NBEA: variants seen among roughly 807,000 people sequenced by gnomAD.
NBEA encodes lysosomal-trafficking regulator 2.
A neutral mutation model predicts 343.4 loss-of-function variants in NBEA; 44 were observed. The ratio of observed to expected loss-of-function variants is 0.13; its 90% CI spans 0.10 to 0.16. The LOEUF is 0.16. NBEA is among the 10% of genes least tolerant of loss of function. The pLI is 1.00. For synonymous variants in NBEA, 1,175 were observed against 1,238.7 expected, an observed-to-expected ratio of 0.95 and a Z score of 1.08; for missense variants, 2,555 against 3,631.3, an observed-to-expected ratio of 0.70 and a Z score of 7.62.
chr13:35,179,857 A>G (rs1287216950), intron 28 of NBEA: 2 of 874,300 alleles, frequency 2.3e-6, no homozygotes, highest in Non-Finnish European at 2.7e-6. Flanking sequence ...CTGCTTAGGC[A>G]TTTGATTTCT....
At chr13:35,386,572 T>C (rs187776249) in intron 38 of NBEA, among the ~76,000 whole-genome samples, 2 of 152,266 alleles carry the variant, frequency 1.3e-5, no homozygotes, top group East Asian at 3.9e-4. Flanking sequence ...TCTAATCCTG[T>C]AAGATAATGT....
At chr13:35,014,335 T>G (rs1309047219) in intron 1 of NBEA, among the ~76,000 whole-genome samples, 1 of 152,186 alleles carries the variant, frequency 6.6e-6, no homozygotes, top group Non-Finnish European at 1.5e-5. Flanking sequence ...ACATTTTTTT[T>G]GTTTGATTTT....
intron 46 of NBEA, 63 bp from the exon 47 acceptor site, chr13:35,593,265 A>T: frequency 1.3e-6 from 2 of 1,562,154 alleles, no homozygotes; most frequent in East Asian, 2.3e-5. Context: ...GCCATGTTTC[A>T]CAAAGGAACG....
intron 38 of NBEA, among the ~76,000 whole-genome samples, chr13:35,393,408 G>T (rs991979125): frequency 3.3e-5 from 5 of 152,054 alleles, no homozygotes; most frequent in African/African-American, 1.2e-4. Context: ...AATAGAAAAT[G>T]ATAACTTAGC....
Position 35,163,637 on chromosome 13 carries a change from T to C in NBEA, c.4080-719T>C, listed in dbSNP as rs186444325. 5.3e-5 allele frequency among the ~76,000 whole-genome samples: 8 copies of C among 151,862 alleles called. No homozygotes were observed. The East Asian group carries it at 1.4e-3, about 26-fold the overall frequency. The stretch of plus-strand genomic sequence containing the variant: ...TTTCTCAAAAAAAAAAAAAAAATTA[T>C]ATTCTTGACTGACACCAAACGAAAG... On this transcript the variant is annotated intron_variant, in intron 23 of 58. Transcript: ENST00000379939.
intron 32 of NBEA, among the ~76,000 whole-genome samples, chr13:35,210,340 A>G (rs1593760861): frequency 1.3e-5 from 2 of 152,088 alleles, no homozygotes; most frequent in African/African-American, 4.8e-5. Flanking sequence ...AAGACTGGGC[A>G]TACTGTTCAT....
chr13:35,001,096 C>T (rs559463589), intron 1 of NBEA, among the ~76,000 whole-genome samples: 1 of 152,066 alleles, frequency 6.6e-6, no homozygotes, highest in East Asian at 1.9e-4. Context: ...GTCAATGTGT[C>T]TGATTTGTGG....
At chr13:35,651,223 C>G (rs1208705766) in intron 52 of NBEA, among the ~76,000 whole-genome samples, 1 of 152,212 alleles carries the variant, frequency 6.6e-6, no homozygotes, top group African/African-American at 2.4e-5. Context: ...CATTAATCCT[C>G]TGAAAGTAGC....
chr13:35,129,523 C>T (rs2067301409), intron 17 of NBEA, among the ~76,000 whole-genome samples: 1 of 151,714 alleles, frequency 6.6e-6, no homozygotes, highest in South Asian at 2.1e-4. Context: ...ACAGATTAGA[C>T]AAAGCTTCAC....
At chr13:35,155,388 C>T (rs1450757249) in intron 18 of NBEA, among the ~76,000 whole-genome samples, 1 of 152,064 alleles carries the variant, frequency 6.6e-6, no homozygotes, top group Non-Finnish European at 1.5e-5. Context: ...CTTTGGGAGG[C>T]TGAGGCGGGT....
At chr13:35,223,590 T>C (rs1566482601) in intron 33 of NBEA, among the ~76,000 whole-genome samples, 1 of 152,190 alleles carries the variant, frequency 6.6e-6, no homozygotes, top group Admixed American at 6.6e-5. Flanking sequence ...CAGCAGTGTA[T>C]TATGTTACAT....
intron 1 of NBEA, among the ~76,000 whole-genome samples, chr13:35,020,489 T>G (rs1246297235): frequency 6.6e-6 from 1 of 152,152 alleles, no homozygotes; most frequent in African/African-American, 2.4e-5. Flanking sequence ...AATAACAATT[T>G]AGTAAAGTTG....
intron 48 of NBEA, among the ~76,000 whole-genome samples, chr13:35,624,366 A>G (rs1481798201): frequency 3.9e-5 from 6 of 152,134 alleles, no homozygotes; most frequent in Non-Finnish European, 8.8e-5. Context: ...TTAACCAAGA[A>G]CACTAAGATA....
At chr13:35,270,654 A>G (rs144417025) in intron 34 of NBEA, among the ~76,000 whole-genome samples, 4,532 of 152,288 alleles carry the variant, frequency 0.03, 102 homozygotes, top group Non-Finnish European at 0.045. Flanking sequence ...TAGTCTTCAC[A>G]ACCAGCAGAC....
chr13:35,027,027 C>T (rs2062041090), intron 1 of NBEA, among the ~76,000 whole-genome samples: 2 of 152,082 alleles, frequency 1.3e-5, no homozygotes, highest in African/African-American at 4.8e-5. Flanking sequence ...TGCTTTTCTT[C>T]ACTCAACATA....
chr13:35,299,718 A>G (rs1265956752), intron 35 of NBEA, among the ~76,000 whole-genome samples: 4 of 152,178 alleles, frequency 2.6e-5, no homozygotes, highest in Non-Finnish European at 5.9e-5. Context: ...AAGTGCATAT[A>G]TGTCTATGTA....
At chr13:35,275,752 A>C (rs188090366) in intron 34 of NBEA, among the ~76,000 whole-genome samples, 10 of 152,332 alleles carry the variant, frequency 6.6e-5, no homozygotes, top group Non-Finnish European at 1.5e-4. Flanking sequence ...ACACATGAAA[A>C]AATGCTCATC....
chr13:35,267,889 T>G (rs2033819686), intron 34 of NBEA, among the ~76,000 whole-genome samples: 1 of 151,694 alleles, frequency 6.6e-6, no homozygotes. Context: ...TGGAATAACT[T>G]AAACACTGAA....
At chr13:35,561,556 AT>A (rs1220186475) in intron 44 of NBEA, among the ~76,000 whole-genome samples, 5 of 152,180 alleles carry the variant, frequency 3.3e-5, no homozygotes, top group African/African-American at 1.2e-4. Context: ...TTTCCCAAAA[AT>A]ATTATTTTAG....
Sources: gnomAD v4.1 joint callset for allele counts (sites outside exome capture counted in the v4.1 genomes callset) on GRCh38, gnomAD v4.1.1 for gene constraint, MANE v1.5 for transcripts, NCBI Gene and HGNC (gene_info 2026-07-23, HGNC 2026-07-21) for gene names.